Variants in ADAMTSL1 observed in about 807,000 individuals in gnomAD.
The protein encoded by ADAMTSL1 is ADAMTS-like protein 1.
Under a neutral mutation model 201.8 loss-of-function variants are expected in ADAMTSL1, and 126 were observed. The observed-to-expected ratio is 0.62, with a 90% CI of 0.54 to 0.72. ADAMTSL1 has a LOEUF of 0.72. Among genes scored for constraint, ADAMTSL1 ranks in the 30% least tolerant of loss-of-function variants. The probability of loss-of-function intolerance (pLI) is 0.00; values close to 1 mark genes in which losing one functional copy is unlikely to be tolerated. For missense variants in ADAMTSL1, 2,679 were observed against 2,277.8 expected (o/e 1.18, Z -3.59); for synonymous variants, 1,121 against 903.4 (o/e 1.24, Z -4.32).
intron 23 of ADAMTSL1, among the ~76,000 whole-genome samples, chr9:18,857,882 T>G (rs1300374529): frequency 6.6e-6 from 1 of 152,176 alleles, no homozygotes; most frequent in Non-Finnish European, 1.5e-5. Flanking sequence ...TTTTGACACG[T>G]TCATATCATT....
At chr9:18,605,092 C>T (rs1168393149) in intron 4 of ADAMTSL1, among the ~76,000 whole-genome samples, 1 of 152,200 alleles carries the variant, frequency 6.6e-6, no homozygotes, top group Non-Finnish European at 1.5e-5. Flanking sequence ...GAACTCCTCT[C>T]ACTTGTATTC....
chr9:18,017,722 A>T (rs115790089), intron 1 of ADAMTSL1, among the ~76,000 whole-genome samples: 1 of 152,110 alleles, frequency 6.6e-6, no homozygotes, highest in East Asian at 1.9e-4. Flanking sequence ...CTACGTTTCA[A>T]TTTAGGTAAT....
intron 1 of ADAMTSL1, 105 bp from the exon 2 acceptor site, chr9:18,504,724 G>T: frequency 6.6e-7 from 1 of 1,517,096 alleles, no homozygotes; most frequent in East Asian, 2.3e-5. Flanking sequence ...TTCATTCCTA[G>T]CAAAGCCACC....
intron 19 of ADAMTSL1, among the ~76,000 whole-genome samples, chr9:18,784,845 C>T (rs1299743991): frequency 6.6e-6 from 1 of 152,172 alleles, no homozygotes; most frequent in Non-Finnish European, 1.5e-5. Flanking sequence ...GTTAGATTAA[C>T]TCGCTCAAAG....
intron 7 of ADAMTSL1, among the ~76,000 whole-genome samples, chr9:18,650,273 G>A (rs920898135): frequency 1.6e-4 from 25 of 152,176 alleles, no homozygotes; most frequent in Admixed American, 1.4e-3. Context: ...GGAGTGACCC[G>A]ATTTTCCAGG....
At chr9:18,889,859 C>T (rs924959664) in intron 25 of ADAMTSL1, 111 bp downstream of exon 25, 6 of 1,119,926 alleles carry the variant, frequency 5.4e-6, no homozygotes, top group Non-Finnish European at 7.0e-6. Flanking sequence ...AGATGCCAGC[C>T]AAGGAGCTGT....
Position 18,533,267 on chromosome 9 carries a change from T to G in ADAMTSL1, c.212T>G (p.Ile71Ser), listed in dbSNP as rs1244606655. Residue 71 changes from isoleucine (I) to serine (S), a missense_variant, in exon 3 of 29, where the codon ATC becomes AGC. Physicochemically the swap from Ile to Ser is moderately radical, Grantham distance 142. Coordinates refer to ENST00000380548, the MANE Select transcript of ADAMTSL1 (RefSeq NM_001040272.6). ...LSSKSCEGRN[I>S]RYRTCSNVDC... ...CTTAGGAGCTGTGAAGGAAGAAATA[T>G]CCGATACAGAACATGCAGTAATGTG... 3 of 1,607,450 alleles carry G rather than the reference T, an allele frequency of 1.9e-6. No individual in the cohort carries two copies. Among genetic ancestry groups the G allele is most frequent in the East Asian group, 2.2e-5 (1 of 44,546 alleles).
rs1264529716 is a variant in ADAMTSL1, at chr9:18,828,673, TATATATATATATATATATATAA to T, written c.4115-1168_4115-1147del. On this transcript the variant is annotated intron_variant, in intron 22 of 28. Transcript: ENST00000380548. ...TTGAAAGTATATTTATATATATATA[TATATATATATATATATATATAA>T]AATGTGTGTGTGTGTATATATATAT... Among the ~76,000 whole-genome samples, 373 of 87,160 alleles carry T rather than the reference TATATATATATATATATATATAA, an allele frequency of 4.3e-3. 33 individuals carry two copies. The highest frequency in any genetic ancestry group is 6.0e-3 in the Admixed American group (58 of 9,600). The allele number at this position is 87,160 out of a possible 152,430, so 57.2% of individuals were successfully genotyped here.
At chr9:18,468,683 A>G (rs1358657418) in intron 2 of ADAMTSL1, among the ~76,000 whole-genome samples, 3 of 152,228 alleles carry the variant, frequency 2.0e-5, no homozygotes, top group Non-Finnish European at 2.9e-5. Context: ...TAATAAATGC[A>G]ACAGCTAAGA....
chr9:18,564,558 G>T (rs1229564183), intron 3 of ADAMTSL1, among the ~76,000 whole-genome samples: 1 of 152,178 alleles, frequency 6.6e-6, no homozygotes, highest in Non-Finnish European at 1.5e-5. Context: ...TGCTGAAATA[G>T]CTCTCCTATA....
chr9:18,602,803 A>G (rs1025592698), intron 4 of ADAMTSL1, among the ~76,000 whole-genome samples: 3 of 152,210 alleles, frequency 2.0e-5, no homozygotes, highest in Non-Finnish European at 2.9e-5. Context: ...TCTTCCCTGT[A>G]GAAAGGTATC....
intron 4 of ADAMTSL1, among the ~76,000 whole-genome samples, chr9:18,597,505 A>G (rs1824346056): frequency 6.6e-6 from 1 of 152,232 alleles, no homozygotes; most frequent in African/African-American, 2.4e-5. Context: ...AAAAATTTGA[A>G]AGATTTGAAA....
At chr9:18,246,635 A>G (rs1362966746) in intron 2 of ADAMTSL1, among the ~76,000 whole-genome samples, 1 of 152,246 alleles carries the variant, frequency 6.6e-6, no homozygotes, top group Non-Finnish European at 1.5e-5. Context: ...TAAAGATTAG[A>G]TAAATGATTC....
intron 2 of ADAMTSL1, among the ~76,000 whole-genome samples, chr9:18,285,837 C>G (rs888271408): frequency 1.3e-5 from 2 of 152,010 alleles, no homozygotes; most frequent in Non-Finnish European, 2.9e-5. Context: ...ACAGCATTAT[C>G]AAGATATAAT....
chr9:17,932,837 C>G (rs1437151216), intron 1 of ADAMTSL1, among the ~76,000 whole-genome samples: 1 of 152,136 alleles, frequency 6.6e-6, no homozygotes, highest in African/African-American at 2.4e-5. Context: ...GGAATTTCTT[C>G]AGGAATCCAT....
chr9:18,176,575 A>T (rs1828169630), intron 2 of ADAMTSL1, among the ~76,000 whole-genome samples: 1 of 152,188 alleles, frequency 6.6e-6, no homozygotes, highest in East Asian at 1.9e-4. Context: ...AGAAGAAATG[A>T]AAAGCAGTTT....
intron 1 of ADAMTSL1, among the ~76,000 whole-genome samples, chr9:17,959,090 A>G (rs1817614615): frequency 6.6e-6 from 1 of 152,196 alleles, no homozygotes; most frequent in African/African-American, 2.4e-5. Context: ...ATTTGCCAAC[A>G]TAAATTCTGT....
intron 1 of ADAMTSL1, among the ~76,000 whole-genome samples, chr9:18,114,242 G>T (rs561631559): frequency 1.7e-4 from 26 of 152,262 alleles, no homozygotes; most frequent in African/African-American, 5.1e-4. Context: ...GCCATTTGAT[G>T]AAAGTTGGCC....
intron 2 of ADAMTSL1, among the ~76,000 whole-genome samples, chr9:18,387,658 T>C (rs1837860572): frequency 6.6e-6 from 1 of 152,192 alleles, no homozygotes; most frequent in African/African-American, 2.4e-5. Flanking sequence ...GTTTTTTTAA[T>C]TGATTTTGAA....
Sources: allele counts gnomAD v4.1 joint callset (sites outside exome capture counted in the v4.1 genomes callset), GRCh38; gene constraint gnomAD v4.1.1; transcripts MANE v1.5; gene names NCBI Gene and HGNC (gene_info 2026-07-23, HGNC 2026-07-21).